C9orf72: variants seen among roughly 807,000 people sequenced by gnomAD.
C9orf72 encodes the protein C9orf72-SMCR8 complex subunit, also known as guanine nucleotide exchange factor C9orf72.
In C9orf72, 44 loss-of-function variants were observed where a neutral mutation model predicts 51.6. That is an observed-to-expected ratio of 0.85 (90% confidence interval 0.67 to 1.10). The LOEUF is 1.10. Among genes scored for constraint, C9orf72 ranks in the 50% least tolerant of loss-of-function variants. C9orf72 has a pLI of 0.00. For missense variants in C9orf72, 607 were observed against 570.6 expected (o/e 1.06, Z -0.65); for synonymous variants, 213 against 194.2 (o/e 1.10, Z -0.81).
chr9:27,558,813 G>A, intron 6 of C9orf72: 1 of 453,754 alleles, frequency 2.2e-6, no homozygotes, highest in Non-Finnish European at 3.9e-6. Flanking sequence ...AAAATGCTTG[G>A]TAAATTTACT....
At position 27,562,371 on chromosome 9, in the gene C9orf72, T is replaced by C. The variant is rs780775419; in HGVS notation, c.600+10A>G. 3.4e-6 allele frequency: 5 copies of C among 1,489,304 alleles called. No individual in the cohort carries two copies. The highest frequency in any genetic ancestry group is 1.9e-5 in the Admixed American group (1 of 53,462). 92.3% of individuals were successfully genotyped at this position (1,489,304 alleles called of 1,614,324 possible). On this transcript the variant is annotated intron_variant, in intron 4 of 10. Coordinates refer to ENST00000380003, the MANE Select transcript of C9orf72 (RefSeq NM_018325.5). ...TCATAAAGTGTATAATTGCTCTCAT[T>C]TAAACTTACATCTATTTCTTCAGGA...
rs1365430928 is a variant in C9orf72 at position 27,567,183 on chromosome 9, A to T, written c.-44-19T>A. The stretch of plus-strand genomic sequence containing the variant: ...GAGATATCTAAACAATGACATATGA[A>T]ACCAATGATTAGGTTCAGCAATTTA... On this transcript the variant is annotated intron_variant, in intron 1 of 10. Coordinates refer to ENST00000380003, the MANE Select transcript of C9orf72 (RefSeq NM_018325.5). The T allele has an allele frequency of 8.0e-6, 11 of 1,367,348 alleles. No homozygotes were observed. Among genetic ancestry groups the T allele is most frequent in the Middle Eastern group, 1.8e-4 (1 of 5,412 alleles). 84.7% of individuals were successfully genotyped at this position (1,367,348 alleles called of 1,614,324 possible). A position where few individuals can be genotyped will look rare whatever the true frequency, so the allele number is the denominator to read the frequency against.
intron 3 of C9orf72, among the ~76,000 whole-genome samples, chr9:27,564,788 C>T (rs1383564710): frequency 1.3e-5 from 2 of 151,892 alleles, no homozygotes; most frequent in Non-Finnish European, 2.9e-5. Flanking sequence ...TTACAAGGAG[C>T]ATTGAGGGTC....
At chr9:27,552,730 G>A (rs1461914463) in intron 8 of C9orf72, among the ~76,000 whole-genome samples, 1 of 151,726 alleles carries the variant, frequency 6.6e-6, no homozygotes, top group African/African-American at 2.4e-5. Context: ...ATAATCTTGT[G>A]GTTTTTGTTT....
In C9orf72 at chr9:27,565,583, T is replaced by G. The variant is rs768913769; in HGVS notation, c.452A>C (p.Gln151Pro). 6.2e-7 allele frequency: 1 copy of G among 1,601,598 alleles called. No homozygotes were observed. Among genetic ancestry groups the G allele is most frequent in the Non-Finnish European group, 8.5e-7 (1 of 1,172,022 alleles). The change falls in exon 3 of 11, where the codon CAA (glutamine) becomes CCA (proline). Residue 151 changes from glutamine to proline, a missense_variant. By Grantham distance (76) the Gln-to-Pro change is moderately conservative. Transcript: ENST00000380003. The stretch of plus-strand genomic sequence containing the variant: ...TAAGATAATCTTCTGGACATTTTCT[T>G]GTCTTTCCTGAGCAAGAGAAAATTT... ...KGRIWMHKER[Q>P]ENVQKIILEG...
At chr9:27,553,166 T>C (rs1820943216) in intron 8 of C9orf72, among the ~76,000 whole-genome samples, 1 of 152,218 alleles carries the variant, frequency 6.6e-6, no homozygotes, top group Admixed American at 6.5e-5. Flanking sequence ...ACAGATTCAA[T>C]GCTATTCCTA....
At chr9:27,557,049 G>C (rs1819218735) in intron 7 of C9orf72, among the ~76,000 whole-genome samples, 1 of 152,090 alleles carries the variant, frequency 6.6e-6, no homozygotes, top group South Asian at 2.1e-4. Flanking sequence ...TTTATTATTT[G>C]GCATCTATAG....
At chr9:27,573,208 GCGCCGCCGCCGCCGC>G (rs546630378) in intron 1 of C9orf72, among the ~76,000 whole-genome samples, 4 of 151,916 alleles carry the variant, frequency 2.6e-5, no homozygotes, top group Non-Finnish European at 5.9e-5. Context: ...CCTTGTCCCT[GCGCCGCCGCCGCCGC>G]CGCCGCCGCC....
chr9:27,565,938 C>T (rs1031153), intron 2 of C9orf72, among the ~76,000 whole-genome samples: 35,840 of 151,986 alleles, frequency 0.24, 5,137 homozygotes, highest in East Asian at 0.49. Context: ...TTAAGAGTTT[C>T]ATAATGTGAG....
chr9:27,568,766 T>G (rs1329046539), intron 1 of C9orf72, among the ~76,000 whole-genome samples: 2 of 152,236 alleles, frequency 1.3e-5, no homozygotes, highest in African/African-American at 4.8e-5. Flanking sequence ...GATAATAAAC[T>G]ACTACATTGC....
rs1238030004 is a variant in C9orf72, at chr9:27,550,720, A to C, written c.1092-13T>G. On this transcript the variant is annotated splice_polypyrimidine_tract_variant and intron_variant, in intron 8 of 10. Transcript: ENST00000380003. ...TTGAAAAATATTCCTGAAGAAAAGA[A>C]GAAAATGAAGAAAAGAAAAAAGTTC... 1 of 1,520,518 alleles carries C rather than the reference A, an allele frequency of 6.6e-7. No homozygotes were observed. Among genetic ancestry groups the C allele is most frequent in the South Asian group, 1.2e-5 (1 of 83,304 alleles). 94.2% of individuals were successfully genotyped at this position (1,520,518 alleles called of 1,614,324 possible). A position where few individuals can be genotyped will look rare whatever the true frequency, so the allele number is the denominator to read the frequency against.
intron 7 of C9orf72, among the ~76,000 whole-genome samples, chr9:27,557,371 C>T (rs932622024): frequency 5.3e-5 from 8 of 152,160 alleles, no homozygotes; most frequent in East Asian, 1.9e-4. Flanking sequence ...TAACCTACTG[C>T]GTATGAGGCA....
chr9:27,573,555 G>T (rs1331894331), upstream of C9orf72: 4 of 76,816 alleles, frequency 5.2e-5, no homozygotes, highest in Admixed American at 4.1e-4. Flanking sequence ...CCTAGCGCGC[G>T]ACTCCTGAGT....
Position 27,572,275 on chromosome 9 carries a change from G to T in C9orf72, c.-45+1156C>A, listed in dbSNP as rs189750617. Among the ~76,000 whole-genome samples the T allele has an allele frequency of 1.0e-3, 152 of 152,290 alleles. 1 individual carries two copies. The highest frequency in any genetic ancestry group is 3.5e-3 in the African/African-American group (145 of 41,556). The stretch of plus-strand genomic sequence containing the variant: ...CATGTAGCAGTTTCCAACTGATTCA[G>T]GGTTTTCCTAAAGTGGCAGGCCTTG... On this transcript the variant is annotated intron_variant, in intron 1 of 10. Coordinates refer to ENST00000380003, the MANE Select transcript of C9orf72 (RefSeq NM_018325.5).
intron 7 of C9orf72, among the ~76,000 whole-genome samples, chr9:27,558,047 A>AT (rs1057041953): frequency 6.7e-6 from 1 of 149,760 alleles, no homozygotes; most frequent in East Asian, 1.9e-4. Flanking sequence ...GAAAAATACA[A>AT]TTTTTTTCTA....
In C9orf72 at chr9:27,560,826, T is replaced by C. The variant is rs895522139; in HGVS notation, c.666-527A>G. 6.6e-6 allele frequency: 6 copies of C among 911,800 alleles called. No homozygotes were observed. In the African/African-American group the frequency reaches 7.2e-5, roughly 11 times the overall value. The allele number at this position is 911,800 out of a possible 1,614,324, so 56.5% of individuals were successfully genotyped here. A position where few individuals can be genotyped will look rare whatever the true frequency, so the allele number is the denominator to read the frequency against. ...CTCTTTTATTAAAAGTAAAATTTCA[T>C]GAAAATCTGTAACTGTGAAGAAACT... On this transcript the variant is annotated intron_variant, in intron 5 of 10. Coordinates refer to ENST00000380003, the MANE Select transcript of C9orf72 (RefSeq NM_018325.5).
intron 7 of C9orf72, among the ~76,000 whole-genome samples, chr9:27,557,166 A>G (rs1563901353): frequency 2.0e-5 from 3 of 152,198 alleles, no homozygotes; most frequent in Non-Finnish European, 2.9e-5. Context: ...GGAGTCTTAA[A>G]GAAAATACAT....
chr9:27,548,668 T>C lies in C9orf72; in HGVS notation c.1150-2A>G. 1 of 1,553,000 alleles carries C rather than the reference T, an allele frequency of 6.4e-7. No individual in the cohort carries two copies. Among genetic ancestry groups the C allele is most frequent in the Non-Finnish European group, 8.9e-7 (1 of 1,124,720 alleles). On this transcript the variant is annotated splice_acceptor_variant, in intron 9 of 10. Coordinates refer to ENST00000380003, the MANE Select transcript of C9orf72 (RefSeq NM_018325.5). LOFTEE classifies it high-confidence loss of function. ...TAAGCCAGGTTTCAGCTGAAAGACC[T>C]GCAGGGAGAGGAACCATTTCAACAC... is the stretch of plus-strand genomic sequence containing the variant.
chr9:27,557,728 T>G (rs1039103124), intron 7 of C9orf72, among the ~76,000 whole-genome samples: 18 of 152,098 alleles, frequency 1.2e-4, no homozygotes, highest in Non-Finnish European at 1.9e-4. Flanking sequence ...GTTTCTATAT[T>G]TAAATACTAT....
Sources: gnomAD v4.1 joint callset for allele counts (sites outside exome capture counted in the v4.1 genomes callset) on GRCh38, gnomAD v4.1.1 for gene constraint, MANE v1.5 for transcripts, NCBI Gene and HGNC (gene_info 2026-07-23, HGNC 2026-07-21) for gene names.